Variants in PARD3 observed in about 807,000 individuals in gnomAD.
PARD3 encodes par-3 family cell polarity regulator, also known as partitioning defective 3 homolog.
PARD3 carries 75 observed loss-of-function variants against 155.4 expected under a neutral mutation model. That is an observed-to-expected ratio of 0.48 (90% CI 0.40 to 0.58). The LOEUF is 0.58. Ranked by LOEUF, PARD3 falls within the 20% of genes least tolerant of loss-of-function variation. The probability of loss-of-function intolerance (pLI) is 0.00; values close to 1 mark genes in which losing one functional copy is unlikely to be tolerated. For synonymous variants in PARD3, 576 were observed against 610.5 expected (o/e 0.94, Z 0.83); for missense variants, 1,642 against 1,721.7 (o/e 0.95, Z 0.82).
chr10:34,731,144 C>A lies in PARD3; in HGVS notation c.121-34725G>T, dbSNP rs191022091. ...ATTTTTTTACGCTGTTTTCTCTCAC[C>A]TTTATAATGATCTTCCAAATCAGAA... On this transcript the variant is annotated intron_variant, in intron 1 of 24. Coordinates refer to ENST00000374788, the MANE Select transcript of PARD3 (RefSeq NM_001184785.2). Among the ~76,000 whole-genome samples the A allele has an allele frequency of 1.8e-4, 27 of 152,218 alleles. No homozygotes were observed. In the East Asian group the frequency reaches 1.9e-3, roughly 11 times the overall value.
chr10:34,163,927 G>A (rs1378621094), intron 22 of PARD3, among the ~76,000 whole-genome samples: 3 of 152,144 alleles, frequency 2.0e-5, no homozygotes, highest in African/African-American at 7.2e-5. Flanking sequence ...AAACACCTGA[G>A]GGAATGAGGT....
At chr10:34,305,926 T>A (rs959064291) in intron 20 of PARD3, among the ~76,000 whole-genome samples, 1 of 152,112 alleles carries the variant, frequency 6.6e-6, no homozygotes, top group Non-Finnish European at 1.5e-5. Flanking sequence ...GTTGCAAGGA[T>A]CATGTTACTG....
chr10:34,413,381 C>G (rs777682711), intron 5 of PARD3, among the ~76,000 whole-genome samples: 1 of 151,132 alleles, frequency 6.6e-6, no homozygotes, highest in African/African-American at 2.4e-5. Context: ...AAGCCTTTCA[C>G]ACTTTTCCTG....
intron 1 of PARD3, 76 bp from the exon 2 acceptor site, chr10:34,696,495 TAACTTCCTGCCCATAAAAAGG>T (rs1357127783): frequency 1.1e-6 from 1 of 904,802 alleles, no homozygotes; most frequent in African/African-American, 1.6e-5. Flanking sequence ...TAAACCGTGA[TAACTTCCTGCCCATAAAAAGG>T]AATCAACCTC....
chr10:34,438,279 T>A (rs545027308), intron 5 of PARD3, among the ~76,000 whole-genome samples: 1 of 152,346 alleles, frequency 6.6e-6, no homozygotes, highest in South Asian at 2.1e-4. Flanking sequence ...GAACATTGCA[T>A]TACTTTGAGA....
At chr10:34,756,947 A>T (rs1399736345) in intron 1 of PARD3, among the ~76,000 whole-genome samples, 2 of 152,218 alleles carry the variant, frequency 1.3e-5, no homozygotes, top group African/African-American at 4.8e-5. Context: ...TTCAAATTTT[A>T]GACTCAAATC....
intron 22 of PARD3, among the ~76,000 whole-genome samples, chr10:34,184,291 A>C (rs1258767013): frequency 6.6e-6 from 1 of 152,202 alleles, no homozygotes; most frequent in Non-Finnish European, 1.5e-5. Context: ...TTTCCCACAC[A>C]GTCTGATCAA....
At chr10:34,592,439 T>C (rs547942156) in intron 2 of PARD3, among the ~76,000 whole-genome samples, 7 of 152,284 alleles carry the variant, frequency 4.6e-5, no homozygotes, top group African/African-American at 1.4e-4. Flanking sequence ...TAGCATTCTA[T>C]TGGAAGGCTC....
intron 2 of PARD3, among the ~76,000 whole-genome samples, chr10:34,594,436 T>G (rs2134401117): frequency 6.6e-6 from 1 of 152,318 alleles, no homozygotes; most frequent in South Asian, 2.1e-4. Flanking sequence ...TGTGATGCAC[T>G]TATACCAGTA....
chr10:34,501,590 C>A (rs1368011291), intron 3 of PARD3, among the ~76,000 whole-genome samples: 2 of 152,098 alleles, frequency 1.3e-5, no homozygotes, highest in African/African-American at 4.8e-5. Context: ...ATGATCAGCC[C>A]ATTAATATCA....
intron 1 of PARD3, among the ~76,000 whole-genome samples, chr10:34,781,151 G>A (rs976641762): frequency 3.3e-5 from 5 of 152,176 alleles, no homozygotes; most frequent in African/African-American, 9.7e-5. Context: ...ACCCACATGT[G>A]CAGAGGCTCA....
At chr10:34,165,391 C>T (rs1434690440) in intron 22 of PARD3, among the ~76,000 whole-genome samples, 2 of 152,174 alleles carry the variant, frequency 1.3e-5, no homozygotes, top group African/African-American at 4.8e-5. Flanking sequence ...CATGCCAGAA[C>T]ATTCTTATAT....
At chr10:34,689,395 T>C (rs996765432) in intron 2 of PARD3, among the ~76,000 whole-genome samples, 34 of 152,192 alleles carry the variant, frequency 2.2e-4, no homozygotes, top group African/African-American at 8.0e-4. Flanking sequence ...TCATATTTCT[T>C]ACAGTTTCAA....
chr10:34,181,795 G>A (rs944627661), intron 22 of PARD3, among the ~76,000 whole-genome samples: 1 of 152,058 alleles, frequency 6.6e-6, no homozygotes, highest in African/African-American at 2.4e-5. Context: ...CTATGCAAAT[G>A]ACTCTCTGGA....
At chr10:34,579,572 G>GTGTGTGTGTGTGTGTA (rs1554775625) in intron 2 of PARD3, among the ~76,000 whole-genome samples, 2,001 of 149,634 alleles carry the variant, frequency 0.013, 16 homozygotes, top group African/African-American at 0.028. Context: ...GTGTGTGTGT[G>GTGTGTGTGTGTGTGTA]TGTGTGTGTG....
chr10:34,208,224 C>G (rs1023790644), intron 22 of PARD3, among the ~76,000 whole-genome samples: 3 of 152,158 alleles, frequency 2.0e-5, no homozygotes, highest in Non-Finnish European at 4.4e-5. Flanking sequence ...TTGTCATGAA[C>G]TACTCTGCAA....
chr10:34,421,364 TTTAA>T (rs147780809), intron 5 of PARD3, among the ~76,000 whole-genome samples: 3,812 of 149,848 alleles, frequency 0.025, 151 homozygotes, highest in African/African-American at 0.087. Context: ...TATAAAAGTA[TTTAA>T]TTATAATTTG....
intron 20 of PARD3, among the ~76,000 whole-genome samples, chr10:34,298,682 C>T (rs1213345659): frequency 6.6e-6 from 1 of 152,156 alleles, no homozygotes; most frequent in Non-Finnish European, 1.5e-5. Flanking sequence ...AAGTGCACAA[C>T]AACGTGAGCA....
At position 34,300,014 on chromosome 10, in the gene PARD3, G is replaced by A. The variant is rs72788235; in HGVS notation, c.3066-15769C>T. Among the ~76,000 whole-genome samples, 1,471 of 152,220 alleles carry A rather than the reference G, an allele frequency of 9.7e-3. 19 individuals are homozygous for A. The highest frequency in any genetic ancestry group is 0.049 in the South Asian group (235 of 4,822). Reference sequence around the variant, plus strand: ...AAATAATTCCAGTTAAAATGTTTCCGAATGCAATAACCGGAGAGTACATCA... The same window carrying A: ...AAATAATTCCAGTTAAAATGTTTCCAAATGCAATAACCGGAGAGTACATCA... On this transcript the variant is annotated intron_variant, in intron 20 of 24. Coordinates refer to ENST00000374788, the MANE Select transcript of PARD3 (RefSeq NM_001184785.2).
Sources: gnomAD v4.1 joint callset for allele counts (sites outside exome capture counted in the v4.1 genomes callset) on GRCh38, gnomAD v4.1.1 for gene constraint, MANE v1.5 for transcripts, NCBI Gene and HGNC (gene_info 2026-07-23, HGNC 2026-07-21) for gene names.